Variants in HSF2BP observed in about 807,000 individuals in gnomAD.
HSF2BP encodes heat shock transcription factor 2 binding protein.
HSF2BP carries 35 observed loss-of-function variants against 35.0 expected under a neutral mutation model. The ratio of observed to expected loss-of-function variants is 1.00; its 90% CI spans 0.76 to 1.32. The LOEUF (loss-of-function observed/expected upper bound fraction) is 1.32. Ranked by LOEUF, HSF2BP falls within the 40% of genes most tolerant of loss-of-function variation. The pLI is 0.00. For synonymous variants in HSF2BP, 114 were observed against 117.4 expected (o/e 0.97, Z 0.18); for missense variants, 326 against 321.7 (o/e 1.01, Z -0.10).
intron 8 of HSF2BP, among the ~76,000 whole-genome samples, chr21:43,579,083 G>C (rs905916603): frequency 1.3e-5 from 2 of 152,148 alleles, no homozygotes; most frequent in East Asian, 1.9e-4. Context: ...ATCTCCTAAA[G>C]GGTTTCTTTT....
At chr21:43,653,289 A>T (rs1186866999) in intron 3 of HSF2BP, among the ~76,000 whole-genome samples, 3 of 151,308 alleles carry the variant, frequency 2.0e-5, no homozygotes, top group Non-Finnish European at 4.4e-5. Context: ...GAAGAGAGAG[A>T]GAGAAAGAAA....
At chr21:43,598,550 A>C (rs1482931787) in intron 7 of HSF2BP, among the ~76,000 whole-genome samples, 1 of 151,968 alleles carries the variant, frequency 6.6e-6, no homozygotes, top group Non-Finnish European at 1.5e-5. Context: ...AGTCCCTGGC[A>C]ATGCTCTGGA....
the HSF2BP span, among the ~76,000 whole-genome samples, chr21:43,501,246 A>C: frequency 2.5e-5 from 3 of 120,256 alleles, 1 homozygote; most frequent in African/African-American, 1.1e-4. Flanking sequence ...GGAAATAAAC[A>C]ATTTATAAGT....
At chr21:43,573,760 A>G (rs1235534784) in intron 8 of HSF2BP, among the ~76,000 whole-genome samples, 2 of 151,948 alleles carry the variant, frequency 1.3e-5, no homozygotes, top group Non-Finnish European at 2.9e-5. Flanking sequence ...GGAGGACAGC[A>G]CAGGAAGGGG....
At position 43,613,800 on chromosome 21, in the gene HSF2BP, G is replaced by A. The variant is rs779792768; in HGVS notation, c.692+30C>T. 4.3e-6 allele frequency: 6 copies of A among 1,408,842 alleles called. No homozygotes were observed. In the South Asian group the frequency reaches 4.6e-5, roughly 11 times the overall value. 87.3% of individuals were successfully genotyped at this position (1,408,842 alleles called of 1,614,324 possible). On this transcript the variant is annotated intron_variant, in intron 7 of 8. Transcript: ENST00000291560. ...GCACAGTCTAATTAATATGTAAATA[G>A]AATTAACTTTTTAACATTATCCACC...
At chr21:43,646,932 C>G (rs1166906596) in intron 3 of HSF2BP, among the ~76,000 whole-genome samples, 1 of 152,224 alleles carries the variant, frequency 6.6e-6, no homozygotes, top group African/African-American at 2.4e-5. Context: ...TACCTAAAAG[C>G]ACCCTGAAGG....
At chr21:43,572,075 G>A (rs868474575) in intron 8 of HSF2BP, among the ~76,000 whole-genome samples, 3 of 152,236 alleles carry the variant, frequency 2.0e-5, no homozygotes, top group Non-Finnish European at 4.4e-5. Context: ...CCAGGAGCAA[G>A]AGGACGCATG....
chr21:43,638,316 G>A (rs1230030163), intron 4 of HSF2BP, among the ~76,000 whole-genome samples: 1 of 152,230 alleles, frequency 6.6e-6, no homozygotes, highest in East Asian at 1.9e-4. Flanking sequence ...AAATTACCCA[G>A]GCATGGTGGC....
intron 7 of HSF2BP, among the ~76,000 whole-genome samples, chr21:43,601,696 G>A (rs1352430595): frequency 6.6e-6 from 1 of 152,082 alleles, no homozygotes; most frequent in East Asian, 1.9e-4. Flanking sequence ...GTACCACCTG[G>A]AAATAATACA....
At chr21:43,653,635 G>A (rs187131302) in intron 3 of HSF2BP, among the ~76,000 whole-genome samples, 48 of 152,290 alleles carry the variant, frequency 3.2e-4, no homozygotes, top group Admixed American at 3.0e-3. Flanking sequence ...GGGTTTTTAG[G>A]TTTTTGCTCT....
At chr21:43,649,631 G>A (rs1235243446) in intron 3 of HSF2BP, among the ~76,000 whole-genome samples, 3 of 152,120 alleles carry the variant, frequency 2.0e-5, no homozygotes, top group African/African-American at 7.2e-5. Context: ...CAACATTTTA[G>A]GTGTGCTGTC....
chr21:43,604,772 A>G (rs2082107276), intron 7 of HSF2BP, among the ~76,000 whole-genome samples: 1 of 134,434 alleles, frequency 7.4e-6, no homozygotes, highest in Non-Finnish European at 1.6e-5. Context: ...CACCACTCGC[A>G]TGCCACACCA....
At chr21:43,649,438 AAAAG>A (rs948598929) in intron 3 of HSF2BP, among the ~76,000 whole-genome samples, 7 of 152,050 alleles carry the variant, frequency 4.6e-5, no homozygotes, top group Non-Finnish European at 1.0e-4. Flanking sequence ...ATCTCAAAAA[AAAAG>A]AAAGAAAAAT....
At chr21:43,622,629 T>C (rs1197829380) in intron 6 of HSF2BP, among the ~76,000 whole-genome samples, 1 of 152,164 alleles carries the variant, frequency 6.6e-6, no homozygotes, top group African/African-American at 2.4e-5. Flanking sequence ...ATAACAATTG[T>C]AAATATCTAT....
At chr21:43,574,069 G>A (rs980127094) in intron 8 of HSF2BP, among the ~76,000 whole-genome samples, 1 of 152,142 alleles carries the variant, frequency 6.6e-6, no homozygotes, top group Non-Finnish European at 1.5e-5. Flanking sequence ...TCATGACCAA[G>A]ACCACTGTGG....
At chr21:43,455,227 C>A in the HSF2BP span, among the ~76,000 whole-genome samples, 1 of 68,400 alleles carries the variant, frequency 1.5e-5, no homozygotes, top group Non-Finnish European at 2.9e-5. Context: ...GGAGTCCCCA[C>A]AGCTATGGGG....
intron 6 of HSF2BP, among the ~76,000 whole-genome samples, chr21:43,619,435 C>T (rs1024942734): frequency 6.6e-6 from 1 of 152,114 alleles, no homozygotes; most frequent in African/African-American, 2.4e-5. Context: ...AAACCAAAAA[C>T]GAACATACAG....
chr21:43,467,792 A>C, the HSF2BP span, among the ~76,000 whole-genome samples: 1 of 72,526 alleles, frequency 1.4e-5, no homozygotes, highest in Non-Finnish European at 2.8e-5. Context: ...CAAACCACAC[A>C]CCACACATTA....
intron 8 of HSF2BP, among the ~76,000 whole-genome samples, chr21:43,574,888 T>C (rs1601605146): frequency 2.6e-5 from 4 of 152,290 alleles, no homozygotes; most frequent in Admixed American, 2.6e-4. Flanking sequence ...GATGAAGGGA[T>C]GGCTCAAAAG....
Sources: gnomAD v4.1 joint callset for allele counts (sites outside exome capture counted in the v4.1 genomes callset) on GRCh38, gnomAD v4.1.1 for gene constraint, MANE v1.5 for transcripts, NCBI Gene and HGNC (gene_info 2026-07-23, HGNC 2026-07-21) for gene names.